CBL: variants seen among roughly 807,000 people sequenced by gnomAD.
The protein encoded by CBL is E3 ubiquitin-protein ligase CBL.
In CBL, 45 loss-of-function variants were observed where a neutral mutation model predicts 96.9. That is an observed-to-expected ratio of 0.46 (90% CI 0.37 to 0.60). CBL has a LOEUF of 0.60. CBL is among the 20% of genes least tolerant of loss of function. The pLI is 0.00. For synonymous variants in CBL, 420 were observed against 426.8 expected (o/e 0.98, Z 0.20); for missense variants, 1,024 against 1,143.5 (o/e 0.90, Z 1.51).
At chr11:119,238,880 C>T (rs755068354) in intron 2 of CBL, among the ~76,000 whole-genome samples, 1 of 152,064 alleles carries the variant, frequency 6.6e-6, no homozygotes, top group Non-Finnish European at 1.5e-5. Flanking sequence ...TTAGATCTGC[C>T]GATCATTTTG....
At chr11:119,215,075 G>A (rs376705457) in intron 1 of CBL, among the ~76,000 whole-genome samples, 4 of 151,954 alleles carry the variant, frequency 2.6e-5, no homozygotes, top group Non-Finnish European at 5.9e-5. Flanking sequence ...AACATGAGCC[G>A]GTTGAGTATT....
At chr11:119,265,622 A>T (rs902858918) in intron 2 of CBL, among the ~76,000 whole-genome samples, 5 of 152,082 alleles carry the variant, frequency 3.3e-5, no homozygotes, top group Non-Finnish European at 7.4e-5. Flanking sequence ...GCGGTAGCTC[A>T]CACCTGTAAT....
intron 2 of CBL, among the ~76,000 whole-genome samples, chr11:119,263,242 A>G (rs939746156): frequency 3.0e-4 from 46 of 152,342 alleles, no homozygotes; most frequent in Non-Finnish European, 2.4e-4. Context: ...AATTAGGACT[A>G]CATTGTGAGT....
chr11:119,210,441 C>CTTTA (rs201355407), intron 1 of CBL, among the ~76,000 whole-genome samples: 5 of 151,542 alleles, frequency 3.3e-5, no homozygotes, highest in South Asian at 2.1e-4. Flanking sequence ...TAGTAAGAGA[C>CTTTA]TTTATTTATT....
intron 1 of CBL, among the ~76,000 whole-genome samples, chr11:119,219,248 G>C (rs562823200): frequency 2.2e-4 from 33 of 151,804 alleles, no homozygotes; most frequent in African/African-American, 7.2e-4. Context: ...GTATGGAGGC[G>C]GGCTCCTGTA....
intron 1 of CBL, among the ~76,000 whole-genome samples, chr11:119,221,246 A>G (rs1385908203): frequency 1.4e-5 from 2 of 143,128 alleles, no homozygotes; most frequent in Non-Finnish European, 3.2e-5. Context: ...CCATCTCAGA[A>G]AAAAAAAAAA....
intron 2 of CBL, among the ~76,000 whole-genome samples, chr11:119,236,622 T>TATATATATAC (rs398017756): frequency 1.7e-3 from 251 of 144,336 alleles, no homozygotes; most frequent in African/African-American, 6.0e-3. Context: ...TATATATATA[T>TATATATATAC]ACCCATAGGA....
intron 9 of CBL, among the ~76,000 whole-genome samples, chr11:119,282,942 A>T (rs541082096): frequency 1.1e-3 from 168 of 152,120 alleles, no homozygotes; most frequent in African/African-American, 3.7e-3. Context: ...GCGCCCCAAA[A>T]AAAAAAAAGC....
At chr11:119,276,233 C>CT (rs1949888467) in intron 6 of CBL, 99 bp downstream of exon 6, 1 of 1,224,522 alleles carries the variant, frequency 8.2e-7, no homozygotes, top group Non-Finnish European at 1.2e-6. Context: ...AAACTGCAGA[C>CT]TAAGATTCAG....
rs890804207 is a variant in CBL, at chr11:119,271,318, A to G, written c.444-417A>G. On this transcript the variant is annotated intron_variant, in intron 2 of 15. Transcript: ENST00000264033. The stretch of plus-strand genomic sequence containing the variant: ...AATTTGTCCATGTTCATGCTTAGCT[A>G]TTAAGCTTTATTAATTCAAGATTAA... Among the ~76,000 whole-genome samples, 9 of 152,216 alleles carry G rather than the reference A, an allele frequency of 5.9e-5. No individual in the cohort carries two copies. In the South Asian group the frequency reaches 1.2e-3, roughly 21 times the overall value.
At chr11:119,210,441 C>G (rs1565852907) in intron 1 of CBL, among the ~76,000 whole-genome samples, 1 of 151,542 alleles carries the variant, frequency 6.6e-6, no homozygotes, top group Non-Finnish European at 1.5e-5. Context: ...TAGTAAGAGA[C>G]TTTATTTATT....
chr11:119,291,730 T>A (rs1950028038), intron 12 of CBL, among the ~76,000 whole-genome samples: 4 of 152,226 alleles, frequency 2.6e-5, no homozygotes, highest in South Asian at 2.1e-4. Context: ...TATATATTTT[T>A]AAAAAAATGA....
intron 2 of CBL, among the ~76,000 whole-genome samples, chr11:119,260,237 C>G (rs199692682): frequency 5.3e-5 from 7 of 131,402 alleles, no homozygotes; most frequent in African/African-American, 2.0e-4. Flanking sequence ...TTTTTTTTTT[C>G]TTTTTCTTTT....
chr11:119,253,988 C>CAAAA (rs55881003), intron 2 of CBL, among the ~76,000 whole-genome samples: 2 of 67,048 alleles, frequency 3.0e-5, no homozygotes, highest in African/African-American at 6.0e-5. Context: ...GACCTTGACT[C>CAAAA]AAAAAAAAAA....
rs2135304680 is a variant in CBL at position 119,278,614 on chromosome 11, G to A, written c.1332G>A (p.Arg444=). 6.2e-7 allele frequency: 1 copy of A among 1,614,078 alleles called. No individual in the cohort carries two copies. Among genetic ancestry groups the A allele is most frequent in the Non-Finnish European group, 8.5e-7 (1 of 1,179,986 alleles). The change falls in exon 9 of 16, where the codon AGG becomes AGA. Residue 444 remains arginine (R), a synonymous_variant. Coordinates refer to ENST00000264033, the MANE Select transcript of CBL (RefSeq NM_005188.4). Reference sequence around the variant, plus strand: ...CTAGAGGGAGTGGCAGCCTGTTGAGGCAAGGAGCAGAGGGAGCTCCCTCCC... The same window carrying A: ...CTAGAGGGAGTGGCAGCCTGTTGAGACAAGGAGCAGAGGGAGCTCCCTCCC... ...FDPRGSGSLL[R]QGAEGAPSPN...
At chr11:119,217,642 A>T (rs1214634974) in intron 1 of CBL, among the ~76,000 whole-genome samples, 2 of 152,168 alleles carry the variant, frequency 1.3e-5, no homozygotes, top group African/African-American at 4.8e-5. Flanking sequence ...TTGATATAGG[A>T]AGGCTGTATG....
intron 2 of CBL, 32 bp from the exon 3 acceptor site, chr11:119,271,703 G>A (rs1420712808): frequency 6.3e-7 from 1 of 1,584,204 alleles, no homozygotes; most frequent in Non-Finnish European, 8.7e-7. Context: ...ATAATTTTAT[G>A]TGTTTAATTA....
chr11:119,277,206 A>C (rs1415181539), intron 6 of CBL, among the ~76,000 whole-genome samples: 2 of 151,160 alleles, frequency 1.3e-5, no homozygotes, highest in Admixed American at 6.6e-5. Context: ...AAGATCACTC[A>C]CTGCAACCTC....
chr11:119,234,090 T>C (rs970518182), intron 2 of CBL, among the ~76,000 whole-genome samples: 3 of 152,180 alleles, frequency 2.0e-5, no homozygotes, highest in African/African-American at 7.2e-5. Flanking sequence ...CACCGCAACC[T>C]CCGCCTCTTG....
Sources: allele counts gnomAD v4.1 joint callset (sites outside exome capture counted in the v4.1 genomes callset), GRCh38; gene constraint gnomAD v4.1.1; transcripts MANE v1.5; gene names NCBI Gene and HGNC (gene_info 2026-07-23, HGNC 2026-07-21).